The following FAM114A1 variants were observed in gnomAD, a reference collection of about 807,000 sequenced individuals.
FAM114A1 encodes family with sequence similarity 114 member A1.
In FAM114A1, 62 loss-of-function variants were observed where a neutral mutation model predicts 64.3. That is an observed-to-expected ratio of 0.96 (90% CI 0.79 to 1.19). FAM114A1 has a LOEUF of 1.19. Ranked by LOEUF, FAM114A1 falls within the 50% of genes most tolerant of loss-of-function variation. FAM114A1 has a pLI of 0.00. For synonymous variants in FAM114A1, 254 were observed against 251.1 expected, an observed-to-expected ratio of 1.01 and a Z score of -0.11; for missense variants, 645 against 676.3, an observed-to-expected ratio of 0.95 and a Z score of 0.51.
Position 38,905,511 on chromosome 4 carries a change from A to G in FAM114A1, c.437-11A>G, listed in dbSNP as rs1717907523. 1 of 1,598,366 alleles carries G rather than the reference A, an allele frequency of 6.3e-7. No homozygotes were observed. Among genetic ancestry groups the G allele is most frequent in the South Asian group, 1.1e-5 (1 of 90,412 alleles). On this transcript the variant is annotated splice_polypyrimidine_tract_variant and intron_variant, in intron 4 of 14. Transcript: ENST00000358869. ...TAATGTATCCATGAACCATATTTTT[A>G]TTTCCAACAGGTCATGGATTGACGG...
At chr4:38,876,377 C>T (rs943629736) in intron 2 of FAM114A1, among the ~76,000 whole-genome samples, 4 of 151,932 alleles carry the variant, frequency 2.6e-5, no homozygotes, top group African/African-American at 9.7e-5. Flanking sequence ...ACCATGTTGG[C>T]CTTGGCTGGT....
In FAM114A1 at chr4:38,878,326, A is replaced by G. The variant is rs1372723008; in HGVS notation, c.248A>G (p.Asn83Ser). Residue 83 changes from asparagine (N) to serine (S), a missense_variant, in exon 3 of 15, where the codon AAT (asparagine) becomes AGT (serine). By Grantham distance (46) the Asn-to-Ser change is conservative. Coordinates refer to ENST00000358869, the MANE Select transcript of FAM114A1 (RefSeq NM_138389.4). The part of the protein sequence containing the change: ...QDANALEPPL[N>S]GDVTEDTLAE... ...GCCAACGCCCTGGAGCCCCCTCTCAATGGAGACGTGACTGAGGATACACTT... is the reference window on the plus strand; with the variant it reads ...GCCAACGCCCTGGAGCCCCCTCTCAGTGGAGACGTGACTGAGGATACACTT... 12 of 1,614,066 alleles carry G rather than the reference A, an allele frequency of 7.4e-6. No individual in the cohort carries two copies. Among genetic ancestry groups the G allele is most frequent in the Non-Finnish European group, 1.0e-5 (12 of 1,180,034 alleles).
At chr4:38,920,217 A>AG (rs1454132600) in intron 8 of FAM114A1, among the ~76,000 whole-genome samples, 2 of 151,954 alleles carry the variant, frequency 1.3e-5, no homozygotes, top group Non-Finnish European at 2.9e-5. Flanking sequence ...AAAAAAAAAA[A>AG]GAACAGAAAA....
rs1053705125 is a variant in FAM114A1 at position 38,901,649 on chromosome 4, T to C, written c.437-3873T>C. ...GATTATTTCAAATAGCCAGCAGTTATTTCATCTTTCCAGAAAGAGGAGAGA... is the reference window on the plus strand; with the variant it reads ...GATTATTTCAAATAGCCAGCAGTTACTTCATCTTTCCAGAAAGAGGAGAGA... On this transcript the variant is annotated intron_variant, in intron 4 of 14. Coordinates refer to ENST00000358869, the MANE Select transcript of FAM114A1 (RefSeq NM_138389.4). Among the ~76,000 whole-genome samples the C allele has an allele frequency of 3.9e-5, 6 of 152,360 alleles. No individual in the cohort carries two copies. In the South Asian group the frequency reaches 1.2e-3, roughly 32 times the overall value.
intron 9 of FAM114A1, among the ~76,000 whole-genome samples, chr4:38,923,804 A>G (rs76793008): frequency 0.19 from 29,030 of 151,984 alleles, 3,017 homozygotes; most frequent in Middle Eastern, 0.3. Context: ...CTTGACCTCA[A>G]GGAGATTAGA....
At chr4:38,875,209 A>G (rs1009399765) in intron 2 of FAM114A1, among the ~76,000 whole-genome samples, 2 of 152,212 alleles carry the variant, frequency 1.3e-5, no homozygotes, top group African/African-American at 4.8e-5. Flanking sequence ...AATTCTATGA[A>G]AAACATCATT....
chr4:38,881,853 CAAAACA>C (rs1715303577), intron 3 of FAM114A1, among the ~76,000 whole-genome samples: 1 of 152,072 alleles, frequency 6.6e-6, no homozygotes, highest in South Asian at 2.1e-4. Flanking sequence ...GTGAATTGTA[CAAAACA>C]AATTCTTGAA....
chr4:38,878,036 A>G (rs1714829649), intron 2 of FAM114A1, 35 bp from the exon 3 acceptor site: 2 of 1,497,394 alleles, frequency 1.3e-6, no homozygotes, highest in Non-Finnish European at 1.8e-6. Flanking sequence ...TAACAATTCG[A>G]TGAAAGCATG....
At chr4:38,886,927 CAAA>C (rs570020908) in intron 3 of FAM114A1, among the ~76,000 whole-genome samples, 4 of 58,910 alleles carry the variant, frequency 6.8e-5, no homozygotes, top group Non-Finnish European at 3.8e-5. Flanking sequence ...GACTCCGTCT[CAAA>C]AAAAAAAAAA....
intron 7 of FAM114A1, among the ~76,000 whole-genome samples, 199 bp downstream of exon 7, chr4:38,908,925 C>T (rs7678245): frequency 0.093 from 14,073 of 152,134 alleles, 1,145 homozygotes; most frequent in African/African-American, 0.21. Flanking sequence ...GTTAACAGTT[C>T]CTTAAGGATT....
chr4:38,875,356 T>G (rs1008043166), intron 2 of FAM114A1, among the ~76,000 whole-genome samples: 1 of 152,220 alleles, frequency 6.6e-6, no homozygotes, highest in African/African-American at 2.4e-5. Flanking sequence ...TGAGCATTGT[T>G]TTGTAATTCT....
At chr4:38,917,875 T>G (rs1719222061) in intron 8 of FAM114A1, among the ~76,000 whole-genome samples, 1 of 152,092 alleles carries the variant, frequency 6.6e-6, no homozygotes, top group Non-Finnish European at 1.5e-5. Flanking sequence ...GTAAGGAAAA[T>G]AAATTTTTGT....
intron 8 of FAM114A1, among the ~76,000 whole-genome samples, chr4:38,922,130 C>T (rs761893824): frequency 6.6e-6 from 1 of 152,052 alleles, no homozygotes; most frequent in Admixed American, 6.5e-5. Context: ...GTAATAGAGA[C>T]GGGGTTTCAC....
intron 2 of FAM114A1, among the ~76,000 whole-genome samples, chr4:38,876,776 G>A (rs402609): frequency 3.3e-5 from 5 of 152,200 alleles, no homozygotes; most frequent in Non-Finnish European, 7.3e-5. Flanking sequence ...ATTCCTTCTA[G>A]AGTCTTTGAG....
chr4:38,943,416 A>G, intron 14 of FAM114A1, 40 bp from the exon 15 acceptor site: 6 of 1,539,982 alleles, frequency 3.9e-6, no homozygotes, highest in South Asian at 1.1e-5. Context: ...AGGTTGAACT[A>G]TGAAAATAAC....
intron 3 of FAM114A1, among the ~76,000 whole-genome samples, chr4:38,884,032 A>G (rs2094906843): frequency 6.6e-6 from 1 of 152,188 alleles, no homozygotes; most frequent in South Asian, 2.1e-4. Context: ...ATTTTTAATG[A>G]ATTCCCCCAG....
At chr4:38,930,862 A>T (rs573486751) in intron 10 of FAM114A1, among the ~76,000 whole-genome samples, 7 of 152,290 alleles carry the variant, frequency 4.6e-5, no homozygotes, top group Admixed American at 2.6e-4. Flanking sequence ...ACTCATGTGA[A>T]ATTAAACTAG....
intron 2 of FAM114A1, among the ~76,000 whole-genome samples, chr4:38,875,033 T>A (rs1714472335): frequency 1.3e-5 from 2 of 152,158 alleles, no homozygotes; most frequent in South Asian, 4.1e-4. Flanking sequence ...TTGGCTTATG[T>A]GTTTTATTTT....
chr4:38,884,700 T>C (rs796466309), intron 3 of FAM114A1, among the ~76,000 whole-genome samples: 8 of 152,348 alleles, frequency 5.3e-5, no homozygotes, highest in African/African-American at 1.9e-4. Context: ...GAGAACTCTT[T>C]CTCATGTAGG....
Sources: gnomAD v4.1 joint callset for allele counts (sites outside exome capture counted in the v4.1 genomes callset) on GRCh38, gnomAD v4.1.1 for gene constraint, MANE v1.5 for transcripts, NCBI Gene and HGNC (gene_info 2026-07-23, HGNC 2026-07-21) for gene names.